TXLNB: variants seen among roughly 807,000 people sequenced by gnomAD.
TXLNB encodes the protein beta-taxilin.
TXLNB carries 37 observed loss-of-function variants against 57.4 expected under a neutral mutation model. The ratio of observed to expected loss-of-function variants is 0.64; its 90% CI spans 0.50 to 0.85. The LOEUF (loss-of-function observed/expected upper bound fraction) is 0.85, where lower values mean the gene tolerates loss of function less well. Ranked by LOEUF, TXLNB falls within the 40% of genes least tolerant of loss-of-function variation. TXLNB has a pLI of 0.00. For missense variants in TXLNB, 848 were observed against 825.6 expected, an observed-to-expected ratio of 1.03 and a Z score of -0.33; for synonymous variants, 302 against 309.6, an observed-to-expected ratio of 0.98 and a Z score of 0.26.
chr6:139,299,724 A>G, the TXLNB span, among the ~76,000 whole-genome samples: 1 of 152,170 alleles, frequency 6.6e-6, no homozygotes. Flanking sequence ...TTTGTGGAAC[A>G]TAGTGTTCCT....
chr6:139,265,876 G>A (rs1776602599), intron 4 of TXLNB, among the ~76,000 whole-genome samples: 1 of 152,108 alleles, frequency 6.6e-6, no homozygotes, highest in African/African-American at 2.4e-5. Context: ...TAAGAATACA[G>A]AGTTCTGGAC....
chr6:139,265,524 C>T (rs937243390), intron 4 of TXLNB, among the ~76,000 whole-genome samples: 24 of 151,984 alleles, frequency 1.6e-4, no homozygotes, highest in African/African-American at 3.6e-4. Context: ...TTTGTGATGG[C>T]GGAAATACCT....
chr6:139,275,746 A>T (rs1156997186), intron 3 of TXLNB, among the ~76,000 whole-genome samples: 1 of 152,204 alleles, frequency 6.6e-6, no homozygotes, highest in Non-Finnish European at 1.5e-5. Flanking sequence ...ACAGGGATGA[A>T]GAGTTTGTGG....
intron 7 of TXLNB, among the ~76,000 whole-genome samples, chr6:139,249,187 G>A (rs546707517): frequency 2.0e-5 from 3 of 152,344 alleles, no homozygotes; most frequent in South Asian, 2.1e-4. Context: ...TGGAAATGGG[G>A]CAACACAGGG....
the TXLNB span, among the ~76,000 whole-genome samples, chr6:139,191,451 T>A: frequency 6.1e-4 from 93 of 152,224 alleles, no homozygotes; most frequent in Non-Finnish European, 7.5e-4. Flanking sequence ...ATCCAGTTTA[T>A]CAACTGCACT....
chr6:139,245,937 C>T (rs907956306), intron 8 of TXLNB, among the ~76,000 whole-genome samples: 1 of 152,182 alleles, frequency 6.6e-6, no homozygotes, highest in African/African-American at 2.4e-5. Flanking sequence ...AAGTGATCCA[C>T]CCGCCTCAGC....
At chr6:139,279,340 T>C (rs976272818) in intron 2 of TXLNB, among the ~76,000 whole-genome samples, 1 of 152,250 alleles carries the variant, frequency 6.6e-6, no homozygotes, top group African/African-American at 2.4e-5. Context: ...GGTCTCTTTC[T>C]GCTCTACTGT....
the TXLNB span, among the ~76,000 whole-genome samples, chr6:139,224,044 C>T: frequency 6.8e-6 from 1 of 146,594 alleles, no homozygotes; most frequent in Non-Finnish European, 1.5e-5. Context: ...TTGGAACCAA[C>T]CCAAATGTCC....
downstream of TXLNB, among the ~76,000 whole-genome samples, chr6:139,238,121 T>C (rs1330998743): frequency 6.6e-6 from 1 of 152,328 alleles, no homozygotes; most frequent in African/African-American, 2.4e-5. Context: ...AGCCCAGGCA[T>C]GGTGGCTCAC....
chr6:139,214,866 T>G, the TXLNB span, among the ~76,000 whole-genome samples: 13 of 152,240 alleles, frequency 8.5e-5, no homozygotes, highest in South Asian at 2.1e-4. Flanking sequence ...ATGAGTGAAC[T>G]CCCATTCACA....
chr6:139,202,624 T>C, the TXLNB span, among the ~76,000 whole-genome samples: 1 of 152,228 alleles, frequency 6.6e-6, no homozygotes, highest in African/African-American at 2.4e-5. Context: ...GTGTGATATT[T>C]TGATACATGT....
rs1250935403 is a variant in TXLNB, at chr6:139,288,470, A to G, written c.424+6T>C. On this transcript the variant is annotated splice_donor_region_variant and intron_variant, in intron 2 of 9. Coordinates refer to ENST00000358430, the MANE Select transcript of TXLNB (RefSeq NM_153235.4). Reference sequence around the variant, plus strand: ...AAAAGTCACATATTTGAACATAACTACTTGCCTAATCCTTTTAGGATTTTC... The same window carrying G: ...AAAAGTCACATATTTGAACATAACTGCTTGCCTAATCCTTTTAGGATTTTC... 6.2e-7 allele frequency: 1 copy of G among 1,612,876 alleles called. No homozygotes were observed.
rs1775934194 is a variant in TXLNB, at chr6:139,241,570, A to C, written c.*956T>G. On this transcript the variant is annotated 3_prime_UTR_variant, in exon 10 of 10. Coordinates refer to ENST00000358430, the MANE Select transcript of TXLNB (RefSeq NM_153235.4). Reference sequence around the variant, plus strand: ...CACTTCCAACCGTTTCCTTGCAGGAAGCCTGGAATGGGATGCCCTGGCACA... The same window carrying C: ...CACTTCCAACCGTTTCCTTGCAGGACGCCTGGAATGGGATGCCCTGGCACA... 1.3e-5 allele frequency: 2 copies of C among 152,236 alleles called. No individual in the cohort carries two copies. Among genetic ancestry groups the C allele is most frequent in the African/African-American group, 4.8e-5 (2 of 41,432 alleles). 9.4% of individuals were successfully genotyped at this position (152,236 alleles called of 1,614,324 possible).
the TXLNB span, among the ~76,000 whole-genome samples, chr6:139,302,289 T>C: frequency 1.3e-5 from 2 of 148,992 alleles, no homozygotes; most frequent in Non-Finnish European, 3.0e-5. Context: ...GATTAGAAAC[T>C]TGGGTCTGGG....
At chr6:139,208,005 G>A in the TXLNB span, among the ~76,000 whole-genome samples, 1 of 152,098 alleles carries the variant, frequency 6.6e-6, no homozygotes, top group Non-Finnish European at 1.5e-5. Context: ...GGGCCTGGGA[G>A]GTGGAGGTTG....
the TXLNB span, among the ~76,000 whole-genome samples, chr6:139,315,995 A>G: frequency 6.6e-6 from 1 of 152,182 alleles, no homozygotes; most frequent in African/African-American, 2.4e-5. Context: ...ACTAAATTAT[A>G]TAATATAGTA....
the TXLNB span, among the ~76,000 whole-genome samples, chr6:139,187,888 A>C: frequency 6.6e-5 from 10 of 152,352 alleles, no homozygotes; most frequent in East Asian, 1.7e-3. Flanking sequence ...GTGTTAAATG[A>C]AATCATTAAA....
chr6:139,318,172 AGGCAGGAGAAT>A, the TXLNB span, among the ~76,000 whole-genome samples: 1 of 149,248 alleles, frequency 6.7e-6, no homozygotes, highest in Non-Finnish European at 1.5e-5. Context: ...TGGGAGGCTG[AGGCAGGAGAAT>A]GGCGTGAACC....
At chr6:139,219,087 T>A in the TXLNB span, among the ~76,000 whole-genome samples, 1 of 152,202 alleles carries the variant, frequency 6.6e-6, no homozygotes. Context: ...ACTAATTGTA[T>A]TCAATGTTCA....
Sources: gnomAD v4.1 joint callset for allele counts (sites outside exome capture counted in the v4.1 genomes callset) on GRCh38, gnomAD v4.1.1 for gene constraint, MANE v1.5 for transcripts, NCBI Gene and HGNC (gene_info 2026-07-23, HGNC 2026-07-21) for gene names.